ZFYVE9: variants seen among roughly 807,000 people sequenced by gnomAD.
ZFYVE9 encodes the protein zinc finger FYVE domain-containing protein 9.
Under a neutral mutation model 126.7 loss-of-function variants are expected in ZFYVE9, and 43 were observed. The ratio of observed to expected loss-of-function variants is 0.34; its 90% CI spans 0.27 to 0.44. The LOEUF is 0.44. Among genes scored for constraint, ZFYVE9 ranks in the 20% least tolerant of loss-of-function variants. ZFYVE9 has a pLI of 1.00. For synonymous variants in ZFYVE9, 521 were observed against 597.4 expected, an observed-to-expected ratio of 0.87 and a Z score of 1.87; for missense variants, 1,476 against 1,697.0, an observed-to-expected ratio of 0.87 and a Z score of 2.29.
rs553557019 is a variant in ZFYVE9, at chr1:52,148,788, C to T, written c.-143+6385C>T. Among the ~76,000 whole-genome samples the T allele has an allele frequency of 5.1e-3, 775 of 150,968 alleles. 6 individuals carry two copies. Among genetic ancestry groups the T allele is most frequent in the African/African-American group, 0.018 (729 of 41,198 alleles). ...TCCCTGGTAGCGGGGACTACAGGTG[C>T]GCGCCACCATGCCTGGATAAGTTTT... On this transcript the variant is annotated intron_variant, in intron 1 of 18. Transcript: ENST00000287727.
At chr1:52,280,008 C>G (rs17364143) in intron 9 of ZFYVE9, among the ~76,000 whole-genome samples, 8,981 of 152,092 alleles carry the variant, frequency 0.059, 303 homozygotes, top group African/African-American at 0.079. Context: ...TTGCTACCTT[C>G]TAGGATCAGA....
intron 5 of ZFYVE9, among the ~76,000 whole-genome samples, 198 bp from the exon 6 acceptor site, chr1:52,266,457 A>T (rs1164706974): frequency 6.6e-6 from 1 of 151,012 alleles, no homozygotes; most frequent in Non-Finnish European, 1.5e-5. Context: ...TATTTGCTCC[A>T]ACCAAATAGT....
chr1:52,206,708 C>A (rs1644981120), intron 1 of ZFYVE9, among the ~76,000 whole-genome samples: 2 of 152,114 alleles, frequency 1.3e-5, no homozygotes. Flanking sequence ...TGCCACCACA[C>A]CTGGCTAATT....
Position 52,142,928 on chromosome 1 carries a change from G to A in ZFYVE9, c.-143+525G>A, listed in dbSNP as rs566953477. 6.6e-6 allele frequency among the ~76,000 whole-genome samples: 1 copy of A among 152,144 alleles called. No homozygotes were observed. Among genetic ancestry groups the A allele is most frequent in the Admixed American group, 6.5e-5 (1 of 15,286 alleles). ...CTGCTACTCCTGGAGTGTCATTCATGGATCTGGCTTGCTCGAGAACAACCT... is the reference window on the plus strand; with the variant it reads ...CTGCTACTCCTGGAGTGTCATTCATAGATCTGGCTTGCTCGAGAACAACCT... On this transcript the variant is annotated intron_variant, in intron 1 of 18. Coordinates refer to ENST00000287727, the MANE Select transcript of ZFYVE9 (RefSeq NM_004799.4). The surrounding 1 kb of genome is among the most constrained non-coding windows in gnomAD (Gnocchi z 4.5).
At chr1:52,303,797 C>T (rs1158132626) in intron 12 of ZFYVE9, 24 bp from the exon 13 acceptor site, 10 of 1,456,958 alleles carry the variant, frequency 6.9e-6, no homozygotes, top group Non-Finnish European at 9.2e-6. Flanking sequence ...TTAATTTATT[C>T]TGCTTCAATC....
rs1010691627 is a variant in ZFYVE9, at chr1:52,161,092, C to T, written c.-143+18689C>T. Among the ~76,000 whole-genome samples the T allele has an allele frequency of 2.6e-5, 4 of 152,272 alleles. No homozygotes were observed. In the South Asian group the frequency reaches 6.2e-4, roughly 24 times the overall value. On this transcript the variant is annotated intron_variant, in intron 1 of 18. Coordinates refer to ENST00000287727, the MANE Select transcript of ZFYVE9 (RefSeq NM_004799.4). ...TTTGAAAGGAGACTACTTTTCCCCA[C>T]ATGTATCTTCTAAGGATTCTATACT...
intron 1 of ZFYVE9, among the ~76,000 whole-genome samples, chr1:52,168,760 C>T (rs1450223121): frequency 6.6e-6 from 1 of 152,070 alleles, no homozygotes; most frequent in Non-Finnish European, 1.5e-5. Flanking sequence ...AAGCAATATT[C>T]CTGCCTCAGC....
chr1:52,232,024 A>G (rs191190157), intron 2 of ZFYVE9, among the ~76,000 whole-genome samples: 179 of 152,346 alleles, frequency 1.2e-3, no homozygotes, highest in African/African-American at 4.2e-3. Context: ...TCAGAGAAGA[A>G]GAAACACTAC....
At chr1:52,206,764 C>CT (rs1447575586) in intron 1 of ZFYVE9, among the ~76,000 whole-genome samples, 1 of 152,100 alleles carries the variant, frequency 6.6e-6, no homozygotes, top group Non-Finnish European at 1.5e-5. Context: ...TGGCCAGGCT[C>CT]TTCTCGAACT....
chr1:52,314,690 C>T lies in ZFYVE9; in HGVS notation c.3438+10765C>T, dbSNP rs113761986. On this transcript the variant is annotated intron_variant, in intron 13 of 18. Transcript: ENST00000287727. Reference sequence around the variant, plus strand: ...AAAAAATTAACCGGGTGTGGTGGCGCGCGCCTCTAGTCCCAGCTACTTGGG... The same window carrying T: ...AAAAAATTAACCGGGTGTGGTGGCGTGCGCCTCTAGTCCCAGCTACTTGGG... Among the ~76,000 whole-genome samples, 664 of 152,202 alleles carry T rather than the reference C, an allele frequency of 4.4e-3. 7 individuals carry two copies. The highest frequency in any genetic ancestry group is 0.015 in the African/African-American group (603 of 41,522).
chr1:52,233,710 C>T (rs1361754389), intron 3 of ZFYVE9, among the ~76,000 whole-genome samples: 1 of 152,236 alleles, frequency 6.6e-6, no homozygotes, highest in Non-Finnish European at 1.5e-5. Context: ...AAACTATTTA[C>T]ATCACAACTG....
chr1:52,253,567 C>T, intron 4 of ZFYVE9: 1 of 841,920 alleles, frequency 1.2e-6, no homozygotes, highest in Non-Finnish European at 2.0e-6. Context: ...TGGCACAGAG[C>T]TGCTGGAGAT....
intron 4 of ZFYVE9, among the ~76,000 whole-genome samples, chr1:52,242,230 C>T (rs1225748376): frequency 3.9e-5 from 6 of 151,974 alleles, no homozygotes. Flanking sequence ...CGGGGTTTCA[C>T]CATGTTGGCC....
At chr1:52,222,851 CTTAACA>C (rs761140820) in intron 2 of ZFYVE9, among the ~76,000 whole-genome samples, 2 of 152,304 alleles carry the variant, frequency 1.3e-5, no homozygotes, top group Non-Finnish European at 2.9e-5. Flanking sequence ...TATGCCTAAC[CTTAACA>C]TTAAGTCCCT....
At position 52,281,646 on chromosome 1, in the gene ZFYVE9, T is replaced by C. The variant is rs767747549; in HGVS notation, c.2870-15T>C. On this transcript the variant is annotated splice_polypyrimidine_tract_variant and intron_variant, in intron 9 of 18. Coordinates refer to ENST00000287727, the MANE Select transcript of ZFYVE9 (RefSeq NM_004799.4). The stretch of plus-strand genomic sequence containing the variant: ...TAGGAATGTCTTTATTTTTGTGTTT[T>C]TATTCCATCTGTAGATGTGAACAGG... The C allele has an allele frequency of 6.2e-7, 1 of 1,611,412 alleles. No homozygotes were observed. Among genetic ancestry groups the C allele is most frequent in the Non-Finnish European group, 8.5e-7 (1 of 1,179,304 alleles).
Position 52,332,764 on chromosome 1 carries a change from G to A in ZFYVE9, c.3439-4G>A. ...TCAGAATAAGGTTATCTCTTTGATT[G>A]CAGATGATGAAAGCCATGAACAAGT... On this transcript the variant is annotated splice_polypyrimidine_tract_variant and splice_region_variant and intron_variant, in intron 13 of 18. Transcript: ENST00000287727. The A allele has an allele frequency of 1.2e-6, 2 of 1,612,800 alleles. No homozygotes were observed. Among genetic ancestry groups the A allele is most frequent in the Non-Finnish European group, 1.7e-6 (2 of 1,179,448 alleles).
Position 52,233,273 on chromosome 1 carries a change from G to A in ZFYVE9, c.67G>A (p.Glu23Lys), listed in dbSNP as rs769555613. ...GGTGTTAGATGAATTTGAACAAAACGAAGGTGAGAATTTATATTGGTGAAT... is the reference window on the plus strand; with the variant it reads ...GGTGTTAGATGAATTTGAACAAAACAAAGGTGAGAATTTATATTGGTGAAT... ...DKVLDEFEQN[E>K]DETVSSTLLD... The change falls in exon 3 of 19, where the codon GAA becomes AAA. Residue 23 changes from glutamate to lysine, a missense_variant. Physicochemically the swap from Glu to Lys is moderately conservative, Grantham distance 56. Transcript: ENST00000287727. 7.6e-6 allele frequency: 12 copies of A among 1,576,778 alleles called. No homozygotes were observed. Among genetic ancestry groups the A allele is most frequent in the South Asian group, 2.4e-5 (2 of 83,816 alleles).
At position 52,233,199 on chromosome 1, in the gene ZFYVE9, C is replaced by T; in HGVS notation, c.-8C>T. On this transcript the variant is annotated 5_prime_UTR_variant, in exon 3 of 19. Coordinates refer to ENST00000287727, the MANE Select transcript of ZFYVE9 (RefSeq NM_004799.4). ...TAAACAAGTCTCTTAAGTGGTGTTTCCTCACCGATGGAGAATTACTTCCAA... is the reference window on the plus strand; with the variant it reads ...TAAACAAGTCTCTTAAGTGGTGTTTTCTCACCGATGGAGAATTACTTCCAA... 1 of 1,569,008 alleles carries T rather than the reference C, an allele frequency of 6.4e-7. No homozygotes were observed. The highest frequency in any genetic ancestry group is 8.7e-7 in the Non-Finnish European group (1 of 1,154,794).
At chr1:52,314,844 G>A (rs986424094) in intron 13 of ZFYVE9, among the ~76,000 whole-genome samples, 4 of 152,044 alleles carry the variant, frequency 2.6e-5, no homozygotes, top group South Asian at 2.1e-4. Flanking sequence ...ACCGCCAGGC[G>A]CGGTGGTGGG....
Sources: gnomAD v4.1 joint callset for allele counts (sites outside exome capture counted in the v4.1 genomes callset) on GRCh38, gnomAD v4.1.1 for gene constraint, Gnocchi (gnomAD v3.1) non-coding constraint, MANE v1.5 for transcripts, NCBI Gene and HGNC (gene_info 2026-07-23, HGNC 2026-07-21) for gene names.